The following SLC3A1 variants were observed in gnomAD, a reference collection of about 807,000 sequenced individuals.
The protein encoded by SLC3A1 is amino acid transporter heavy chain SLC3A1.
SLC3A1 carries 78 observed loss-of-function variants against 60.3 expected under a neutral mutation model. The ratio of observed to expected loss-of-function variants is 1.29; its 90% CI spans 1.08 to 1.56. The LOEUF (loss-of-function observed/expected upper bound fraction) is 1.56, where lower values mean the gene tolerates loss of function less well. Among genes scored for constraint, SLC3A1 ranks in the 40% most tolerant of loss-of-function variants. The probability of loss-of-function intolerance (pLI) is 0.00; values close to 1 mark genes in which losing one functional copy is unlikely to be tolerated. For missense variants in SLC3A1, 1,172 were observed against 858.9 expected (o/e 1.36, Z -4.56); for synonymous variants, 392 against 307.9 (o/e 1.27, Z -2.86).
At chr2:44,310,324 GT>G (rs1176426534) in intron 7 of SLC3A1, among the ~76,000 whole-genome samples, 1 of 152,134 alleles carries the variant, frequency 6.6e-6, no homozygotes, top group African/African-American at 2.4e-5. Context: ...ACACTTTTCT[GT>G]CTTGATTTAA....
At chr2:44,296,093 C>T (rs1292507636) in intron 4 of SLC3A1, among the ~76,000 whole-genome samples, 1 of 152,300 alleles carries the variant, frequency 6.6e-6, no homozygotes, top group East Asian at 1.9e-4. Context: ...CCTGAAGCCA[C>T]TGAAAACCTG....
intron 4 of SLC3A1, among the ~76,000 whole-genome samples, chr2:44,288,074 C>G (rs1024031336): frequency 6.6e-6 from 1 of 151,198 alleles, no homozygotes; most frequent in African/African-American, 2.4e-5. Flanking sequence ...GTCGCCCAGG[C>G]TGGAGTGTAG....
chr2:44,318,122 G>A (rs1213307556), intron 9 of SLC3A1: 2 of 418,138 alleles, frequency 4.8e-6, no homozygotes, highest in Non-Finnish European at 9.4e-6. Flanking sequence ...AGACAGTCTT[G>A]CTCCGTCACC....
chr2:44,289,830 C>A (rs1479137784), intron 4 of SLC3A1, among the ~76,000 whole-genome samples: 1 of 152,028 alleles, frequency 6.6e-6, no homozygotes, highest in Non-Finnish European at 1.5e-5. Context: ...CGCGTTTTAT[C>A]ATGTTGGCTA....
At chr2:44,317,252 TA>T (rs1672501700) in intron 9 of SLC3A1, among the ~76,000 whole-genome samples, 1 of 152,096 alleles carries the variant, frequency 6.6e-6, no homozygotes, top group Non-Finnish European at 1.5e-5. Flanking sequence ...CACTTGATCC[TA>T]GGAGTTTGAG....
In SLC3A1 at chr2:44,275,548, A is replaced by G. The variant is rs923446924; in HGVS notation, c.13A>G (p.Lys5Glu). The G allele has an allele frequency of 4.3e-6, 7 of 1,614,096 alleles. No individual in the cohort carries two copies. The highest frequency in any genetic ancestry group is 1.1e-5 in the South Asian group (1 of 91,034). The change falls in exon 1 of 10, where the codon AAA (lysine) becomes GAA (glutamate). Residue 5 changes from lysine to glutamate, a missense_variant. By Grantham distance (56) the Lys-to-Glu change is moderately conservative. Transcript: ENST00000260649. ...AAGTCGGTGAGACATGGCTGAAGAT[A>G]AAAGCAAGAGAGACTCCATCGAGAT... MAEDKSKRDSIEMSM... is the reference protein window; with the variant it reads MAEDESKRDSIEMSM...
At chr2:44,303,693 T>A (rs1204019960) in intron 6 of SLC3A1, 1 of 262,438 alleles carries the variant, frequency 3.8e-6, no homozygotes, top group Admixed American at 4.8e-5. Context: ...AACTTGTCAT[T>A]TACATTAGGT....
At chr2:44,319,748 G>C (rs778353300) in intron 9 of SLC3A1, 32 of 157,056 alleles carry the variant, frequency 2.0e-4, no homozygotes, top group South Asian at 7.7e-4. Flanking sequence ...CACGATCTTC[G>C]CACAACAGCA....
chr2:44,321,079 TCTG>T lies in SLC3A1; in HGVS notation c.*443_*445del. On this transcript the variant is annotated 3_prime_UTR_variant, in exon 10 of 10. Coordinates refer to ENST00000260649, the MANE Select transcript of SLC3A1 (RefSeq NM_000341.4). ...TCTGACTGGAAGGGAGGCCTGGAGC[TCTG>T]CTATCACCAATCCTTCCCTTCCCTC... 9.3e-6 allele frequency: 4 copies of T among 429,164 alleles called. No individual in the cohort carries two copies. The South Asian group carries it at 1.1e-4, about 12-fold the overall frequency. 26.6% of individuals were successfully genotyped at this position (429,164 alleles called of 1,614,324 possible). A position where few individuals can be genotyped will look rare whatever the true frequency, so the allele number is the denominator to read the frequency against.
Position 44,286,149 on chromosome 2 carries a change from G to C in SLC3A1, c.883G>C (p.Glu295Gln). The C allele has an allele frequency of 6.2e-7, 1 of 1,613,946 alleles. No individual in the cohort carries two copies. Among genetic ancestry groups the C allele is most frequent in the Non-Finnish European group, 8.5e-7 (1 of 1,179,900 alleles). ...LNFRNPDVQEEIKEILRFWLT... is the reference protein window; with the variant it reads ...LNFRNPDVQEQIKEILRFWLT... ...TTTCCGCAATCCTGATGTTCAAGAA[G>C]AAATAAAAGTGAGTATAGATACCCA... Residue 295 changes from glutamate to glutamine, a missense_variant, in exon 4 of 10, where the codon GAA becomes CAA. Transcript: ENST00000260649.
chr2:44,301,316 C>A, intron 6 of SLC3A1, 189 bp downstream of exon 6: 1 of 726,390 alleles, frequency 1.4e-6, no homozygotes, highest in Non-Finnish European at 2.4e-6. Context: ...TGCTGACTTT[C>A]AGTTTCCTCT....
rs1672087739 is a variant in SLC3A1, at chr2:44,304,062, C to T, written c.1137-81C>T. On this transcript the variant is annotated intron_variant, in intron 6 of 9. Transcript: ENST00000260649. Reference sequence around the variant, plus strand: ...GTGCATTCAGCCCCTACATCTTGTACATGCAAGATAAGCAGCTGTGGAGTG... The same window carrying T: ...GTGCATTCAGCCCCTACATCTTGTATATGCAAGATAAGCAGCTGTGGAGTG... The T allele has an allele frequency of 1.6e-5, 16 of 1,023,686 alleles. No individual in the cohort carries two copies. The Middle Eastern group carries it at 6.1e-4, about 39-fold the overall frequency. The allele number at this position is 1,023,686 out of a possible 1,614,324, so 63.4% of individuals were successfully genotyped here. A position where few individuals can be genotyped will look rare whatever the true frequency, so the allele number is the denominator to read the frequency against.
intron 9 of SLC3A1, 162 bp downstream of exon 9, chr2:44,314,113 T>G: frequency 1.3e-6 from 2 of 1,506,918 alleles, no homozygotes; most frequent in Non-Finnish European, 1.8e-6. Flanking sequence ...TTGTAAATCA[T>G]GCCTTTGTGA....
intron 4 of SLC3A1, among the ~76,000 whole-genome samples, chr2:44,297,304 C>T (rs1239619491): frequency 6.6e-6 from 1 of 152,208 alleles, no homozygotes. Context: ...GAGAGGCTGG[C>T]TGTGGGGTTG....
At chr2:44,317,695 A>G (rs1048284689) in intron 9 of SLC3A1, 1 of 152,484 alleles carries the variant, frequency 6.6e-6, no homozygotes, top group Non-Finnish European at 1.5e-5. Flanking sequence ...GACATAAAAT[A>G]TAACAATTTT....
chr2:44,286,722 C>CGG (rs34860618), intron 4 of SLC3A1, among the ~76,000 whole-genome samples: 1 of 120,152 alleles, frequency 8.3e-6, no homozygotes, highest in African/African-American at 3.2e-5. Flanking sequence ...GTGTCTGTGA[C>CGG]TGAGCTGTGC....
intron 4 of SLC3A1, among the ~76,000 whole-genome samples, chr2:44,287,799 A>T (rs1336014955): frequency 1.3e-5 from 2 of 152,194 alleles, no homozygotes; most frequent in Non-Finnish European, 2.9e-5. Flanking sequence ...ACCCTAACAG[A>T]ACGGGGAGCA....
rs776481860 is a variant in SLC3A1 at position 44,321,467 on chromosome 2, A to C, written c.*828A>C. Reference sequence around the variant, plus strand: ...TAATCTAAAAGAAACACATTAAAAAAATTAAATAGAAGGCCTTTGTAGTAA... The same window carrying C: ...TAATCTAAAAGAAACACATTAAAAACATTAAATAGAAGGCCTTTGTAGTAA... On this transcript the variant is annotated 3_prime_UTR_variant, in exon 10 of 10. Coordinates refer to ENST00000260649, the MANE Select transcript of SLC3A1 (RefSeq NM_000341.4). The C allele has an allele frequency of 6.2e-7, 1 of 1,603,996 alleles. No individual in the cohort carries two copies. The highest frequency in any genetic ancestry group is 8.5e-7 in the Non-Finnish European group (1 of 1,172,246).
intron 9 of SLC3A1, chr2:44,315,293 TAAAATACATCCAAATGACCCTGGA>T (rs1230577034): frequency 6.6e-6 from 1 of 151,866 alleles, no homozygotes; most frequent in Non-Finnish European, 1.5e-5. Context: ...GCCATTTTAA[TAAAATACATCCAAATGACCCTGGA>T]AAGGAACAGA....
Sources: gnomAD v4.1 joint callset for allele counts (sites outside exome capture counted in the v4.1 genomes callset) on GRCh38, gnomAD v4.1.1 for gene constraint, MANE v1.5 for transcripts, NCBI Gene and HGNC (gene_info 2026-07-23, HGNC 2026-07-21) for gene names.